Variants in MAGI2 observed in about 807,000 individuals in gnomAD.
MAGI2 encodes membrane-associated guanylate kinase, WW and PDZ domain-containing protein 2.
MAGI2 carries 35 observed loss-of-function variants against 133.3 expected under a neutral mutation model. That is an observed-to-expected ratio of 0.26 (90% CI 0.20 to 0.35). The LOEUF is 0.35. MAGI2 is among the 10% of genes least tolerant of loss of function. The pLI is 1.00. For missense variants in MAGI2, 1,636 were observed against 1,863.4 expected, an observed-to-expected ratio of 0.88 and a Z score of 2.25; for synonymous variants, 729 against 710.6, an observed-to-expected ratio of 1.03 and a Z score of -0.41.
chr7:78,656,943 C>A (rs1463125171), intron 2 of MAGI2, among the ~76,000 whole-genome samples: 1 of 126,930 alleles, frequency 7.9e-6, no homozygotes, highest in Non-Finnish European at 1.7e-5. Flanking sequence ...TTAAAATATA[C>A]AAAGAACTCT....
At chr7:79,214,683 T>C (rs1055758528) in intron 1 of MAGI2, among the ~76,000 whole-genome samples, 13 of 139,264 alleles carry the variant, frequency 9.3e-5, no homozygotes, top group South Asian at 6.5e-4. Flanking sequence ...TATAAATATA[T>C]AATATATATT....
At chr7:78,450,420 T>C (rs1189729995) in intron 6 of MAGI2, among the ~76,000 whole-genome samples, 1 of 152,096 alleles carries the variant, frequency 6.6e-6, no homozygotes, top group East Asian at 1.9e-4. Context: ...AATTGCCCCA[T>C]TTAGGAATAA....
chr7:78,891,209 C>T (rs1375560584), intron 2 of MAGI2, among the ~76,000 whole-genome samples: 1 of 152,168 alleles, frequency 6.6e-6, no homozygotes, highest in South Asian at 2.1e-4. Flanking sequence ...AGACCAATAA[C>T]AGGCTCTGAA....
chr7:79,171,032 A>G (rs1450341863), intron 1 of MAGI2, among the ~76,000 whole-genome samples: 2 of 152,140 alleles, frequency 1.3e-5, no homozygotes, highest in East Asian at 3.9e-4. Context: ...TTGTTTTTAA[A>G]GAGTAAAGTC....
At chr7:78,302,601 T>C (rs758174050) in intron 9 of MAGI2, among the ~76,000 whole-genome samples, 6 of 152,206 alleles carry the variant, frequency 3.9e-5, no homozygotes, top group Non-Finnish European at 5.9e-5. Context: ...TCTGGGATCT[T>C]ATGGCTGCCA....
chr7:79,039,507 T>C (rs1811424170), intron 1 of MAGI2, among the ~76,000 whole-genome samples: 1 of 151,814 alleles, frequency 6.6e-6, no homozygotes, highest in Non-Finnish European at 1.5e-5. Flanking sequence ...AACAGACAAA[T>C]GGAATTACAT....
At chr7:79,001,167 G>A (rs566928874) in intron 2 of MAGI2, among the ~76,000 whole-genome samples, 265 of 152,154 alleles carry the variant, frequency 1.7e-3, no homozygotes, top group African/African-American at 5.9e-3. Context: ...CTCCTGCCTC[G>A]GCCTCCCAAA....
chr7:79,390,254 G>T (rs1844502423), intron 1 of MAGI2, among the ~76,000 whole-genome samples: 1 of 152,090 alleles, frequency 6.6e-6, no homozygotes, highest in Non-Finnish European at 1.5e-5. Flanking sequence ...ATTCCACTCT[G>T]GATGGAAGGA....
intron 20 of MAGI2, among the ~76,000 whole-genome samples, chr7:78,086,542 T>C (rs892277189): frequency 2.0e-5 from 3 of 151,924 alleles, no homozygotes; most frequent in African/African-American, 7.3e-5. Context: ...CGGTCTCTTC[T>C]AGGGCTCTTA....
chr7:79,287,234 C>A (rs1403396288), intron 1 of MAGI2, among the ~76,000 whole-genome samples: 1 of 152,050 alleles, frequency 6.6e-6, no homozygotes, highest in Admixed American at 6.6e-5. Flanking sequence ...AATTTGTAAG[C>A]ACTCTCAAGT....
chr7:78,373,046 C>T (rs1056440380), intron 6 of MAGI2, among the ~76,000 whole-genome samples: 3 of 152,136 alleles, frequency 2.0e-5, no homozygotes, highest in African/African-American at 7.2e-5. Flanking sequence ...TGAACTCAAA[C>T]TTCTGGGCTC....
intron 1 of MAGI2, among the ~76,000 whole-genome samples, chr7:79,204,433 G>T (rs375361892): frequency 2.0e-5 from 3 of 152,178 alleles, no homozygotes; most frequent in East Asian, 3.9e-4. Context: ...CACTTCACCA[G>T]TTGCAGCTGC....
At chr7:78,844,050 C>T (rs1470829603) in intron 2 of MAGI2, among the ~76,000 whole-genome samples, 1 of 149,550 alleles carries the variant, frequency 6.7e-6, no homozygotes, top group Non-Finnish European at 1.5e-5. Flanking sequence ...AATCTACACA[C>T]AGACACACAT....
At position 78,090,564 on chromosome 7, in the gene MAGI2, A is replaced by G. The variant is rs1463965722; in HGVS notation, c.3568-11479T>C. 2.6e-5 allele frequency among the ~76,000 whole-genome samples: 4 copies of G among 152,198 alleles called. No homozygotes were observed. The East Asian group carries it at 7.7e-4, about 29-fold the overall frequency. On this transcript the variant is annotated intron_variant, in intron 20 of 21. Coordinates refer to ENST00000354212, the MANE Select transcript of MAGI2 (RefSeq NM_012301.4). The stretch of plus-strand genomic sequence containing the variant: ...TCAACTGAGGTGCCTGGCACAAGAT[A>G]AGAGCTTCATAAATATTTCTTAAAT...
intron 1 of MAGI2, among the ~76,000 whole-genome samples, chr7:79,283,664 C>A (rs1026710496): frequency 1.3e-5 from 2 of 152,044 alleles, no homozygotes; most frequent in Non-Finnish European, 2.9e-5. Context: ...GGGAAAATTT[C>A]TTTGTTCTTA....
At chr7:78,645,251 C>T (rs1174834374) in intron 2 of MAGI2, among the ~76,000 whole-genome samples, 1 of 152,024 alleles carries the variant, frequency 6.6e-6, no homozygotes, top group Non-Finnish European at 1.5e-5. Context: ...AATGCTAATT[C>T]TATACAAATT....
At position 79,278,358 on chromosome 7, in the gene MAGI2, C is replaced by A. The variant is rs193025413; in HGVS notation, c.301+174662G>T. On this transcript the variant is annotated intron_variant, in intron 1 of 21. Coordinates refer to ENST00000354212, the MANE Select transcript of MAGI2 (RefSeq NM_012301.4). ...GCAGAGCTGTGAGCCAATTATGCCT[C>A]TTTCTTTATAAATTACCCAGTTTCA... Among the ~76,000 whole-genome samples, 108 of 152,238 alleles carry A rather than the reference C, an allele frequency of 7.1e-4. 2 individuals carry two copies. The East Asian group carries it at 0.02, about 28-fold the overall frequency.
intron 16 of MAGI2, among the ~76,000 whole-genome samples, chr7:78,145,114 C>G (rs1446254937): frequency 6.6e-6 from 1 of 151,946 alleles, no homozygotes; most frequent in African/African-American, 2.4e-5. Context: ...TTATTTTTAC[C>G]TTCTTTTGAT....
At chr7:78,049,630 C>G (rs1354892822) in intron 21 of MAGI2, among the ~76,000 whole-genome samples, 2 of 152,104 alleles carry the variant, frequency 1.3e-5, no homozygotes, top group Admixed American at 1.3e-4. Flanking sequence ...CCCCTAACAG[C>G]CTTTAACACC....
Sources: gnomAD v4.1 joint callset for allele counts (sites outside exome capture counted in the v4.1 genomes callset) on GRCh38, gnomAD v4.1.1 for gene constraint, MANE v1.5 for transcripts, NCBI Gene and HGNC (gene_info 2026-07-23, HGNC 2026-07-21) for gene names.